GPHN: variants seen among roughly 807,000 people sequenced by gnomAD.
GPHN encodes the protein gephyrin.
A neutral mutation model predicts 95.5 loss-of-function variants in GPHN; 17 were observed. The ratio of observed to expected loss-of-function variants is 0.18; its 90% CI spans 0.12 to 0.27. The LOEUF (loss-of-function observed/expected upper bound fraction) is 0.27. Ranked by LOEUF, GPHN falls within the 10% of genes least tolerant of loss-of-function variation. The pLI is 1.00. For missense variants in GPHN, 660 were observed against 978.1 expected, an observed-to-expected ratio of 0.67 and a Z score of 4.34; for synonymous variants, 320 against 322.5, an observed-to-expected ratio of 0.99 and a Z score of 0.08.
intron 2 of GPHN, among the ~76,000 whole-genome samples, chr14:66,773,755 A>G (rs942142644): frequency 8.5e-5 from 13 of 152,138 alleles, no homozygotes; most frequent in Non-Finnish European, 1.5e-4. Context: ...TTTGTTTTAA[A>G]GAAGTGGACT....
chr14:67,402,815 A>G, the GPHN span, among the ~76,000 whole-genome samples: 1 of 152,122 alleles, frequency 6.6e-6, no homozygotes, highest in Non-Finnish European at 1.5e-5. Context: ...CAGTTTCTTC[A>G]TTCATGTGTT....
At chr14:67,712,493 CAAAAAAAAAA>C in the GPHN span, among the ~76,000 whole-genome samples, 7 of 38,950 alleles carry the variant, frequency 1.8e-4, no homozygotes, top group South Asian at 1.5e-3. Context: ...AAAAAACTTG[CAAAAAAAAAA>C]AAAAAAAAAA....
intron 2 of GPHN, among the ~76,000 whole-genome samples, chr14:66,727,122 T>C (rs1382147276): frequency 6.6e-6 from 1 of 152,102 alleles, no homozygotes; most frequent in African/African-American, 2.4e-5. Flanking sequence ...GATCTGATGG[T>C]TTTTAAAACG....
the GPHN span, among the ~76,000 whole-genome samples, chr14:67,567,494 T>C: frequency 1.3e-5 from 2 of 151,828 alleles, no homozygotes; most frequent in African/African-American, 4.8e-5. Context: ...TGGGCAGAAA[T>C]AATCCTTTTT....
the GPHN span, chr14:67,620,213 G>A: frequency 1.5e-6 from 1 of 654,450 alleles, no homozygotes; most frequent in Non-Finnish European, 2.5e-6. Flanking sequence ...GAGGGGAAGA[G>A]CTGGCCGGTT....
intron 4 of GPHN, among the ~76,000 whole-genome samples, chr14:66,839,437 C>T (rs370712173): frequency 3.9e-4 from 60 of 152,264 alleles, no homozygotes; most frequent in African/African-American, 3.4e-4. Context: ...AATATCCTTA[C>T]GTGGAATAAT....
the GPHN span, chr14:67,587,224 A>G: frequency 9.9e-6 from 16 of 1,613,662 alleles, no homozygotes; most frequent in Non-Finnish European, 1.3e-5. Flanking sequence ...CAAGGGGCCA[A>G]CGTTGCTGTG....
chr14:67,278,264 GAC>G, the GPHN span, among the ~76,000 whole-genome samples: 1 of 151,632 alleles, frequency 6.6e-6, no homozygotes, highest in African/African-American at 2.4e-5. Context: ...TCGAACTCCC[GAC>G]CTCAGGTGAT....
At chr14:67,086,665 AAAG>A (rs2076903802) in intron 11 of GPHN, among the ~76,000 whole-genome samples, 1 of 151,214 alleles carries the variant, frequency 6.6e-6, no homozygotes, top group Non-Finnish European at 1.5e-5. Flanking sequence ...AAAAAAAAAA[AAAG>A]TTCTAAAATC....
intron 9 of GPHN, among the ~76,000 whole-genome samples, chr14:67,008,410 C>T (rs1228608590): frequency 6.6e-6 from 1 of 150,410 alleles, no homozygotes; most frequent in Admixed American, 6.6e-5. Context: ...GAGCCGAGAT[C>T]GCTCCACTGC....
At chr14:66,602,757 A>G (rs1445864665) in intron 1 of GPHN, among the ~76,000 whole-genome samples, 2 of 151,932 alleles carry the variant, frequency 1.3e-5, no homozygotes, top group Admixed American at 1.3e-4. Flanking sequence ...GAATATGTTA[A>G]TATGACTTGC....
chr14:67,592,278 TAAAA>T, the GPHN span: 1 of 343,626 alleles, frequency 2.9e-6, no homozygotes, highest in Non-Finnish European at 5.6e-6. Flanking sequence ...CTACTAAAAA[TAAAA>T]AAAAAAAATT....
chr14:67,324,110 T>A, the GPHN span, among the ~76,000 whole-genome samples: 1 of 152,194 alleles, frequency 6.6e-6, no homozygotes, highest in Non-Finnish European at 1.5e-5. Flanking sequence ...ATTACTGACT[T>A]TTCTCTGTAG....
At chr14:66,730,788 T>G (rs1343255082) in intron 2 of GPHN, among the ~76,000 whole-genome samples, 1 of 152,220 alleles carries the variant, frequency 6.6e-6, no homozygotes, top group Non-Finnish European at 1.5e-5. Context: ...ATTTTAAGTA[T>G]CAAATGTTCA....
Position 66,731,210 on chromosome 14 carries a change from A to AT in GPHN, c.144-45253dup, listed in dbSNP as rs1254215010. Among the ~76,000 whole-genome samples the AT allele has an allele frequency of 3.3e-5, 5 of 152,208 alleles. No individual in the cohort carries two copies. In the East Asian group the frequency reaches 9.6e-4, roughly 29 times the overall value. ...TTTATAGCAGTGTGAGAACAGACTA[A>AT]TACAGTAAACTGGTAAAGTGGTGAG... is the stretch of plus-strand genomic sequence containing the variant. On this transcript the variant is annotated intron_variant, in intron 2 of 22. Coordinates refer to ENST00000478722, the MANE Select transcript of GPHN (RefSeq NM_020806.5).
intron 9 of GPHN, among the ~76,000 whole-genome samples, chr14:66,998,398 C>CCTTAA (rs1181900722): frequency 3.3e-5 from 5 of 151,996 alleles, no homozygotes; most frequent in Non-Finnish European, 5.9e-5. Context: ...AAGTAATATT[C>CCTTAA]GTGATAATCC....
chr14:67,041,423 T>C (rs961489222), intron 10 of GPHN, among the ~76,000 whole-genome samples: 5 of 151,672 alleles, frequency 3.3e-5, no homozygotes, highest in African/African-American at 1.2e-4. Context: ...TGTGTCCATG[T>C]GTTCTCATTG....
the GPHN span, among the ~76,000 whole-genome samples, chr14:67,294,219 A>G: frequency 1.3e-5 from 2 of 152,180 alleles, no homozygotes; most frequent in South Asian, 4.1e-4. Context: ...TAGAGTAACT[A>G]TAGTGTCTTC....
At chr14:67,179,100 G>A (rs912127834) in intron 21 of GPHN, among the ~76,000 whole-genome samples, 1 of 152,150 alleles carries the variant, frequency 6.6e-6, no homozygotes, top group Non-Finnish European at 1.5e-5. Context: ...AAGAATATAA[G>A]GTGGCCAGGC....
Sources: gnomAD v4.1 joint callset for allele counts (sites outside exome capture counted in the v4.1 genomes callset) on GRCh38, gnomAD v4.1.1 for gene constraint, MANE v1.5 for transcripts, NCBI Gene and HGNC (gene_info 2026-07-23, HGNC 2026-07-21) for gene names.